Variants in FRMD3 observed in about 807,000 individuals in gnomAD.
FRMD3 encodes the protein FERM domain-containing protein 3.
FRMD3 carries 33 observed loss-of-function variants against 70.2 expected under a neutral mutation model. The observed-to-expected ratio is 0.47, with a 90% CI of 0.36 to 0.63. The LOEUF (loss-of-function observed/expected upper bound fraction) is 0.63, where lower values mean the gene tolerates loss of function less well. FRMD3 is among the 20% of genes least tolerant of loss of function. The pLI, the probability that FRMD3 is intolerant of heterozygous loss-of-function variation, is 0.00. For missense variants in FRMD3, 632 were observed against 711.4 expected, an observed-to-expected ratio of 0.89 and a Z score of 1.27; for synonymous variants, 279 against 255.9, an observed-to-expected ratio of 1.09 and a Z score of -0.86.
In FRMD3 at chr9:83,538,288, C is replaced by T. The variant is rs1275547483; in HGVS notation, c.-57G>A. Reference sequence around the variant, plus strand: ...TCAGGGCCGGCGCGGTGCTCGCCTGCGCGGACACACACGCTCGCACGCACT... The same window carrying T: ...TCAGGGCCGGCGCGGTGCTCGCCTGTGCGGACACACACGCTCGCACGCACT... On this transcript the variant is annotated 5_prime_UTR_variant, in exon 1 of 14. Coordinates refer to ENST00000304195, the MANE Select transcript of FRMD3 (RefSeq NM_174938.6). This position sits in a 1 kb window ranked among gnomAD's most constrained non-coding sequence, Gnocchi z 4.7. 2.0e-6 allele frequency: 3 copies of T among 1,510,836 alleles called. No homozygotes were observed. The highest frequency in any genetic ancestry group is 2.7e-6 in the Non-Finnish European group (3 of 1,125,772). 93.6% of individuals were successfully genotyped at this position (1,510,836 alleles called of 1,614,324 possible). A position where few individuals can be genotyped will look rare whatever the true frequency, so the allele number is the denominator to read the frequency against.
chr9:83,272,474 C>T (rs1350830860), intron 13 of FRMD3, among the ~76,000 whole-genome samples: 5 of 152,176 alleles, frequency 3.3e-5, no homozygotes, highest in East Asian at 1.9e-4. Context: ...ACCTCCCAGC[C>T]GCCTGCCTTG....
At chr9:83,364,724 C>A (rs1824733670) in intron 3 of FRMD3, among the ~76,000 whole-genome samples, 1 of 152,184 alleles carries the variant, frequency 6.6e-6, no homozygotes, top group South Asian at 2.1e-4. Flanking sequence ...TAAATTTTTA[C>A]CTAAAACTTT....
intron 13 of FRMD3, among the ~76,000 whole-genome samples, chr9:83,263,649 A>G (rs923395410): frequency 2.0e-5 from 3 of 152,244 alleles, no homozygotes; most frequent in Admixed American, 1.3e-4. Context: ...CTAGTTCCAG[A>G]TAATAGAATT....
At chr9:83,435,479 T>C (rs561689662) in intron 1 of FRMD3, among the ~76,000 whole-genome samples, 1 of 152,206 alleles carries the variant, frequency 6.6e-6, no homozygotes, top group South Asian at 2.1e-4. Context: ...TAGGGCATCA[T>C]CTGGAGTGGC....
chr9:83,572,276 A>T, the FRMD3 span, among the ~76,000 whole-genome samples: 1 of 152,080 alleles, frequency 6.6e-6, no homozygotes, highest in Non-Finnish European at 1.5e-5. Context: ...AGAGATGGGG[A>T]TAGTGGAAAT....
intron 1 of FRMD3, among the ~76,000 whole-genome samples, chr9:83,528,982 ATT>A (rs1460722828): frequency 6.6e-6 from 1 of 152,242 alleles, no homozygotes; most frequent in African/African-American, 2.4e-5. Flanking sequence ...TAAAAAACAT[ATT>A]TTTGTTTAAA....
the FRMD3 span, among the ~76,000 whole-genome samples, chr9:83,569,128 A>G: frequency 6.6e-6 from 1 of 152,188 alleles, no homozygotes; most frequent in East Asian, 1.9e-4. Flanking sequence ...TATTTAAAAA[A>G]GGAGAATATG....
At chr9:83,440,156 C>T (rs1388271563) in intron 1 of FRMD3, among the ~76,000 whole-genome samples, 1 of 152,190 alleles carries the variant, frequency 6.6e-6, no homozygotes, top group Non-Finnish European at 1.5e-5. Flanking sequence ...TTCTTTGTAG[C>T]CAGTGGTCCT....
intron 1 of FRMD3, among the ~76,000 whole-genome samples, chr9:83,495,393 C>T (rs955667062): frequency 1.3e-5 from 2 of 152,102 alleles, no homozygotes; most frequent in Admixed American, 1.3e-4. Flanking sequence ...CAGAGCCAGA[C>T]TGGAGCAGGT....
At chr9:83,507,563 G>T (rs1350346721) in intron 1 of FRMD3, among the ~76,000 whole-genome samples, 1 of 144,950 alleles carries the variant, frequency 6.9e-6, no homozygotes, top group Non-Finnish European at 1.5e-5. Flanking sequence ...CCAGTTACTT[G>T]GGAGGCTGAG....
At chr9:83,341,238 G>A (rs1823744145) in intron 5 of FRMD3, among the ~76,000 whole-genome samples, 1 of 152,132 alleles carries the variant, frequency 6.6e-6, no homozygotes, top group South Asian at 2.1e-4. Flanking sequence ...AGAGCCAAAA[G>A]GTCTTTTTGA....
intron 3 of FRMD3, among the ~76,000 whole-genome samples, chr9:83,360,986 G>A (rs920722192): frequency 6.6e-6 from 1 of 152,152 alleles, no homozygotes; most frequent in Non-Finnish European, 1.5e-5. Flanking sequence ...AGTTGAACTT[G>A]GTAGAATAAC....
intron 13 of FRMD3, among the ~76,000 whole-genome samples, chr9:83,281,114 C>T (rs768124506): frequency 3.9e-5 from 6 of 152,134 alleles, no homozygotes; most frequent in Admixed American, 6.5e-5. Flanking sequence ...AGGGAGGAGA[C>T]GGAGGGAGAG....
chr9:83,509,836 T>C (rs1386649762), intron 1 of FRMD3, among the ~76,000 whole-genome samples: 3 of 152,008 alleles, frequency 2.0e-5, no homozygotes, highest in Non-Finnish European at 2.9e-5. Context: ...TAATCATTCT[T>C]TGAGAGCCTA....
At chr9:83,306,087 C>T (rs531792794) in intron 10 of FRMD3, among the ~76,000 whole-genome samples, 2 of 152,290 alleles carry the variant, frequency 1.3e-5, no homozygotes, top group East Asian at 3.9e-4. Flanking sequence ...TTAACTCTGT[C>T]TCCCAACTGA....
chr9:83,380,964 T>C (rs1214311480), intron 2 of FRMD3, among the ~76,000 whole-genome samples: 1 of 152,196 alleles, frequency 6.6e-6, no homozygotes, highest in Non-Finnish European at 1.5e-5. Flanking sequence ...CCTGATTTCT[T>C]GCATCCACCT....
intron 3 of FRMD3, among the ~76,000 whole-genome samples, chr9:83,359,712 T>C (rs1002901339): frequency 6.6e-6 from 1 of 152,128 alleles, no homozygotes; most frequent in Non-Finnish European, 1.5e-5. Context: ...TTTCAACCAT[T>C]TAAAAATGTG....
chr9:83,580,526 C>T, the FRMD3 span, among the ~76,000 whole-genome samples: 1 of 152,064 alleles, frequency 6.6e-6, no homozygotes, highest in Non-Finnish European at 1.5e-5. Flanking sequence ...AAAACACGTA[C>T]CTCGTGATCT....
chr9:83,546,174 T>C, the FRMD3 span, among the ~76,000 whole-genome samples: 1 of 151,588 alleles, frequency 6.6e-6, no homozygotes, highest in Non-Finnish European at 1.5e-5. Context: ...CTGGACAACA[T>C]TGTGAAATGC....
Sources: allele counts gnomAD v4.1 joint callset (sites outside exome capture counted in the v4.1 genomes callset), GRCh38; gene constraint gnomAD v4.1.1; non-coding constraint Gnocchi (gnomAD v3.1); transcripts MANE v1.5; gene names NCBI Gene and HGNC (gene_info 2026-07-23, HGNC 2026-07-21).